Variants in CNBD1 observed in about 807,000 individuals in gnomAD.
The protein encoded by CNBD1 is cyclic nucleotide binding domain containing 1, also known as cyclic nucleotide-binding domain-containing protein 1.
CNBD1 carries 71 observed loss-of-function variants against 54.4 expected under a neutral mutation model. That is an observed-to-expected ratio of 1.30 (90% CI 1.08 to 1.59). CNBD1 has a LOEUF of 1.59. Ranked by LOEUF, CNBD1 falls within the 40% of genes most tolerant of loss-of-function variation. The pLI is 0.00. For missense variants in CNBD1, 659 were observed against 518.0 expected, an observed-to-expected ratio of 1.27 and a Z score of -2.64; for synonymous variants, 182 against 170.7, an observed-to-expected ratio of 1.07 and a Z score of -0.51.
chr8:87,263,498 TACAC>T (rs757071037), intron 6 of CNBD1, among the ~76,000 whole-genome samples: 43 of 152,252 alleles, frequency 2.8e-4, no homozygotes, highest in Non-Finnish European at 5.3e-4. Context: ...TGTAAATAAA[TACAC>T]ACAGTCACAA....
intron 4 of CNBD1, among the ~76,000 whole-genome samples, chr8:87,048,460 T>G (rs561217338): frequency 7.2e-5 from 11 of 152,278 alleles, no homozygotes; most frequent in African/African-American, 2.4e-4. Flanking sequence ...AGGTACCTCT[T>G]AATGACATCA....
chr8:87,089,177 A>G (rs957680702), intron 4 of CNBD1, among the ~76,000 whole-genome samples: 5 of 152,164 alleles, frequency 3.3e-5, no homozygotes, highest in South Asian at 2.1e-4. Flanking sequence ...AGTGAAGTCA[A>G]TGGAATTAGA....
intron 6 of CNBD1, among the ~76,000 whole-genome samples, chr8:87,270,162 A>C (rs932678306): frequency 6.6e-5 from 10 of 151,994 alleles, no homozygotes; most frequent in Admixed American, 3.9e-4. Flanking sequence ...TAAAAACCAC[A>C]TGATCATCTC....
At position 87,199,327 on chromosome 8, in the gene CNBD1, A is replaced by G. The variant is rs114385216; in HGVS notation, c.432-6666A>G. Among the ~76,000 whole-genome samples the G allele has an allele frequency of 2.0e-4, 30 of 152,356 alleles. 1 individual carries two copies. The highest frequency in any genetic ancestry group is 6.7e-4 in the African/African-American group (28 of 41,578). On this transcript the variant is annotated intron_variant, in intron 4 of 10. Coordinates refer to ENST00000518476, the MANE Select transcript of CNBD1 (RefSeq NM_173538.3). Reference sequence around the variant, plus strand: ...AACAAAAAACTACTAGTGGAGTTCAACAACAGATTTGAGTTGCCAAAAGGA... The same window carrying G: ...AACAAAAAACTACTAGTGGAGTTCAGCAACAGATTTGAGTTGCCAAAAGGA...
At chr8:86,927,242 A>G (rs1255891898) in intron 3 of CNBD1, among the ~76,000 whole-genome samples, 1 of 152,134 alleles carries the variant, frequency 6.6e-6, no homozygotes, top group African/African-American at 2.4e-5. Flanking sequence ...ATTGGAGAAA[A>G]AACCATTTTG....
chr8:87,209,133 A>C (rs931980318), intron 5 of CNBD1, among the ~76,000 whole-genome samples: 14 of 152,094 alleles, frequency 9.2e-5, no homozygotes, highest in African/African-American at 3.4e-4. Flanking sequence ...AGACTCATCA[A>C]GAAAAAAAGG....
chr8:86,980,140 G>T (rs1307111204), intron 4 of CNBD1, among the ~76,000 whole-genome samples: 1 of 152,206 alleles, frequency 6.6e-6, no homozygotes, highest in African/African-American at 2.4e-5. Flanking sequence ...ATTTGGAAAT[G>T]TATCACTTTA....
At chr8:87,379,474 C>CT (rs1811028248) in intron 10 of CNBD1, among the ~76,000 whole-genome samples, 1 of 151,806 alleles carries the variant, frequency 6.6e-6, no homozygotes, top group Non-Finnish European at 1.5e-5. Flanking sequence ...TGACCACATA[C>CT]TGGGAAGTAA....
chr8:86,961,805 A>G (rs1807935080), intron 4 of CNBD1, among the ~76,000 whole-genome samples: 2 of 152,376 alleles, frequency 1.3e-5, no homozygotes, highest in South Asian at 4.1e-4. Flanking sequence ...TTCTTTCAAA[A>G]TAGTTGATCT....
At chr8:87,246,134 A>T (rs977929520) in intron 6 of CNBD1, among the ~76,000 whole-genome samples, 1 of 151,924 alleles carries the variant, frequency 6.6e-6, no homozygotes. Context: ...TAATTTTTAA[A>T]TTTTTCTGAC....
downstream of CNBD1, among the ~76,000 whole-genome samples, chr8:87,385,143 G>T (rs1275014014): frequency 6.6e-6 from 1 of 152,124 alleles, no homozygotes; most frequent in African/African-American, 2.4e-5. Context: ...TGGGGGTGGA[G>T]CCAAGATGCC....
At chr8:87,145,463 C>T (rs1408845641) in intron 4 of CNBD1, among the ~76,000 whole-genome samples, 1 of 151,880 alleles carries the variant, frequency 6.6e-6, no homozygotes, top group Non-Finnish European at 1.5e-5. Flanking sequence ...AACCCCAGAT[C>T]CCAGGTTTGA....
chr8:87,319,079 G>T (rs1161713810), intron 8 of CNBD1, among the ~76,000 whole-genome samples: 1 of 152,042 alleles, frequency 6.6e-6, no homozygotes, highest in Non-Finnish European at 1.5e-5. Flanking sequence ...TGCAATACTA[G>T]TATAAATCAA....
rs536279615 is a variant in CNBD1 at position 87,014,748 on chromosome 8, C to A, written c.431+74994C>A. On this transcript the variant is annotated intron_variant, in intron 4 of 10. Coordinates refer to ENST00000518476, the MANE Select transcript of CNBD1 (RefSeq NM_173538.3). ...AACATTCTTATTAGAGGTAAAATAT[C>A]TTTGTCTAATCCAAACCTTATTTAA... Among the ~76,000 whole-genome samples the A allele has an allele frequency of 7.3e-5, 11 of 151,270 alleles. No homozygotes were observed. The South Asian group carries it at 2.3e-3, about 31-fold the overall frequency.
chr8:87,306,960 T>G (rs925390805), intron 8 of CNBD1, among the ~76,000 whole-genome samples: 1 of 151,910 alleles, frequency 6.6e-6, no homozygotes, highest in Non-Finnish European at 1.5e-5. Flanking sequence ...CAGAAAAAAA[T>G]GTACTCAATA....
chr8:87,027,203 G>A (rs960196587), intron 4 of CNBD1, among the ~76,000 whole-genome samples: 1 of 152,094 alleles, frequency 6.6e-6, no homozygotes, highest in Non-Finnish European at 1.5e-5. Flanking sequence ...TGCTCAATAG[G>A]TAATGCAATG....
chr8:87,257,071 A>G (rs1808038539), intron 6 of CNBD1, among the ~76,000 whole-genome samples: 1 of 152,046 alleles, frequency 6.6e-6, no homozygotes, highest in African/African-American at 2.4e-5. Flanking sequence ...GAAAACATTC[A>G]TTGAAAATGA....
chr8:87,302,378 T>C (rs796677872), intron 8 of CNBD1, among the ~76,000 whole-genome samples: 5 of 151,686 alleles, frequency 3.3e-5, no homozygotes, highest in South Asian at 4.2e-4. Flanking sequence ...ACAGAACCAA[T>C]TACAAAAACC....
At chr8:87,361,610 A>G (rs546828515) in intron 10 of CNBD1, among the ~76,000 whole-genome samples, 1 of 151,630 alleles carries the variant, frequency 6.6e-6, no homozygotes, top group East Asian at 1.9e-4. Flanking sequence ...TAGGAAATTT[A>G]CTCAAAGTAT....
Sources: allele counts gnomAD v4.1 joint callset (sites outside exome capture counted in the v4.1 genomes callset), GRCh38; gene constraint gnomAD v4.1.1; transcripts MANE v1.5; gene names NCBI Gene and HGNC (gene_info 2026-07-23, HGNC 2026-07-21).